Variants in WWC2 observed in about 807,000 individuals in gnomAD.
The protein encoded by WWC2 is protein WWC2.
A neutral mutation model predicts 138.5 loss-of-function variants in WWC2; 101 were observed. That is an observed-to-expected ratio of 0.73 (90% CI 0.62 to 0.86). The LOEUF (loss-of-function observed/expected upper bound fraction) is 0.86. Ranked by LOEUF, WWC2 falls within the 40% of genes least tolerant of loss-of-function variation. The pLI, the probability that WWC2 is intolerant of heterozygous loss-of-function variation, is 0.00. For synonymous variants in WWC2, 558 were observed against 538.4 expected (o/e 1.04, Z -0.50); for missense variants, 1,420 against 1,419.4 (o/e 1.00, Z -0.01).
At chr4:183,175,676 G>T (rs117159373) in intron 1 of WWC2, among the ~76,000 whole-genome samples, 1 of 152,190 alleles carries the variant, frequency 6.6e-6, no homozygotes, top group East Asian at 1.9e-4. Flanking sequence ...TCAAAGCATC[G>T]TTTTTTGTAC....
At chr4:183,132,745 G>T (rs9762784) in intron 1 of WWC2, among the ~76,000 whole-genome samples, 2 of 151,978 alleles carry the variant, frequency 1.3e-5, no homozygotes, top group Non-Finnish European at 2.9e-5. Flanking sequence ...GAGCCACCGC[G>T]CCCGGCCGAT....
chr4:183,271,171 G>C lies in WWC2; in HGVS notation c.2492G>C (p.Cys831Ser), dbSNP rs1421625215. 15 of 1,612,628 alleles carry C rather than the reference G, an allele frequency of 9.3e-6. No homozygotes were observed. Among genetic ancestry groups the C allele is most frequent in the Non-Finnish European group, 1.2e-5 (14 of 1,179,332 alleles). Residue 831 changes from cysteine (C) to serine (S), a missense_variant, in exon 16 of 23, where the codon TGC becomes TCC. Physicochemically the swap from Cys to Ser is moderately radical, Grantham distance 112. Transcript: ENST00000403733. ...YNLLPSKQMP[C>S]KKNEENEDSV... is the part of the protein sequence containing the mutation. The stretch of plus-strand genomic sequence containing the variant: ...TTGCTTCCTTCCAAGCAAATGCCTT[G>C]CAAAAAGAATGAAGAAAATGAGGAC...
chr4:183,286,054 A>C lies in WWC2; in HGVS notation c.3136A>C (p.Lys1046Gln), dbSNP rs1161331314. The change falls in exon 20 of 23, where the codon AAA becomes CAA. Residue 1046 changes from lysine (K) to glutamine (Q), a missense_variant. Lys to Gln is a moderately conservative substitution (Grantham distance 53). Coordinates refer to ENST00000403733, the MANE Select transcript of WWC2 (RefSeq NM_024949.6). ...NSTERRSLRVKRTVCQSVLRR... is the reference protein window; with the variant it reads ...NSTERRSLRVQRTVCQSVLRR... ...CACCGAACGCCGCAGTTTGAGGGTC[A>C]AAAGGGTATGTATTCCCTCAGCCAC... The C allele has an allele frequency of 6.4e-7, 1 of 1,572,758 alleles. No homozygotes were observed. The highest frequency in any genetic ancestry group is 2.3e-5 in the East Asian group (1 of 43,400).
intron 1 of WWC2, among the ~76,000 whole-genome samples, chr4:183,132,506 T>C (rs933692938): frequency 1.3e-5 from 2 of 151,190 alleles, no homozygotes; most frequent in African/African-American, 4.9e-5. Flanking sequence ...CAGGCTGGAG[T>C]GCTGTGGCGC....
intron 1 of WWC2, among the ~76,000 whole-genome samples, chr4:183,136,037 T>G (rs909896945): frequency 3.9e-4 from 59 of 152,286 alleles, no homozygotes; most frequent in African/African-American, 1.3e-3. Context: ...CATTTTCTTG[T>G]TATCTGTGGT....
At chr4:183,235,080 G>A (rs1345619785) in intron 4 of WWC2, among the ~76,000 whole-genome samples, 1 of 152,152 alleles carries the variant, frequency 6.6e-6, no homozygotes, top group Non-Finnish European at 1.5e-5. Context: ...ACTTATGGGA[G>A]CAAACTTTTT....
chr4:183,261,636 CTTTCTT>C, intron 11 of WWC2, 104 bp downstream of exon 11: 1 of 1,318,726 alleles, frequency 7.6e-7, no homozygotes, highest in Non-Finnish European at 1.0e-6. Context: ...TTCCCCTTCT[CTTTCTT>C]TTGAGTAATC....
rs767754120 is a variant in WWC2 at position 183,319,813 on chromosome 4, G to T, written c.*4084G>T. On this transcript the variant is annotated 3_prime_UTR_variant, in exon 23 of 23. Transcript: ENST00000403733. ...GTCTTGTGGGCAACCCAAGAGACGG[G>T]AACCAGGGCTGTGACTCCCGAGGCC... 84 of 1,613,836 alleles carry T rather than the reference G, an allele frequency of 5.2e-5. No homozygotes were observed. Among genetic ancestry groups the T allele is most frequent in the Non-Finnish European group, 6.9e-5 (82 of 1,179,906 alleles).
intron 21 of WWC2, among the ~76,000 whole-genome samples, chr4:183,299,053 A>G (rs1738735612): frequency 6.6e-6 from 1 of 152,172 alleles, no homozygotes; most frequent in Non-Finnish European, 1.5e-5. Flanking sequence ...GGTAATTTAT[A>G]AAGAAAAATT....
chr4:183,154,026 A>AAAAACAAAAAAAC (rs1561438959), intron 1 of WWC2, among the ~76,000 whole-genome samples: 35 of 145,646 alleles, frequency 2.4e-4, no homozygotes, highest in African/African-American at 9.3e-4. Context: ...AAAAAAAAAA[A>AAAAACAAAAAAAC]AACCCCAAAT....
At position 183,209,726 on chromosome 4, in the gene WWC2, G is replaced by A. The variant is rs535808957; in HGVS notation, c.522+701G>A. Among the ~76,000 whole-genome samples the A allele has an allele frequency of 2.0e-5, 3 of 152,296 alleles. No individual in the cohort carries two copies. The East Asian group carries it at 5.8e-4, about 29-fold the overall frequency. On this transcript the variant is annotated intron_variant, in intron 4 of 22. Transcript: ENST00000403733. ...TCAGACTTTACTAGGTGCTCATAAT[G>A]CCTCATGGAGAGGTGTTTCCTGAAT...
intron 4 of WWC2, among the ~76,000 whole-genome samples, chr4:183,239,716 T>C (rs1736556408): frequency 6.6e-6 from 1 of 152,072 alleles, no homozygotes; most frequent in African/African-American, 2.4e-5. Flanking sequence ...TTTGAAAAGA[T>C]AACATTTCAG....
At chr4:183,219,236 A>G (rs1283886364) in intron 4 of WWC2, among the ~76,000 whole-genome samples, 1 of 152,226 alleles carries the variant, frequency 6.6e-6, no homozygotes, top group East Asian at 1.9e-4. Context: ...GTTTAGAACA[A>G]TGAAAAATTT....
chr4:183,203,745 C>T (rs1199679332), intron 2 of WWC2: 1 of 152,164 alleles, frequency 6.6e-6, no homozygotes, highest in Non-Finnish European at 1.5e-5. Context: ...ATTCAGTTCT[C>T]TAGTAGAATC....
intron 1 of WWC2, among the ~76,000 whole-genome samples, chr4:183,124,929 G>A (rs79606055): frequency 1.2e-3 from 183 of 152,260 alleles, no homozygotes; most frequent in Middle Eastern, 6.8e-3. Flanking sequence ...CCACAAAAGC[G>A]TGGAAATGAT....
At position 183,282,687 on chromosome 4, in the gene WWC2, T is replaced by C. The variant is rs200105317; in HGVS notation, c.2685-21T>C. On this transcript the variant is annotated intron_variant, in intron 17 of 22. Transcript: ENST00000403733. The stretch of plus-strand genomic sequence containing the variant: ...GAGCATGCCTGCCTACCAAAAGTGT[T>C]TTGTTTTTGTTTTACCATAGGCTAA... 34 of 1,555,490 alleles carry C rather than the reference T, an allele frequency of 2.2e-5. No homozygotes were observed. In the East Asian group the frequency reaches 7.0e-4, roughly 32 times the overall value.
At chr4:183,229,198 T>A (rs1736167148) in intron 4 of WWC2, among the ~76,000 whole-genome samples, 2 of 152,112 alleles carry the variant, frequency 1.3e-5, no homozygotes, top group Non-Finnish European at 2.9e-5. Context: ...TTTTTTTACT[T>A]TCAGTGTGTA....
intron 21 of WWC2, among the ~76,000 whole-genome samples, chr4:183,295,488 C>T (rs1738602356): frequency 6.6e-6 from 1 of 152,218 alleles, no homozygotes; most frequent in African/African-American, 2.4e-5. Context: ...GTAGCTTGGC[C>T]ATGTGAGGGC....
chr4:183,119,441 G>T (rs1299789354), intron 1 of WWC2, among the ~76,000 whole-genome samples: 1 of 152,096 alleles, frequency 6.6e-6, no homozygotes, highest in Non-Finnish European at 1.5e-5. Context: ...TATTGAGAAT[G>T]AACCCTGAAG....
Sources: gnomAD v4.1 joint callset for allele counts (sites outside exome capture counted in the v4.1 genomes callset) on GRCh38, gnomAD v4.1.1 for gene constraint, MANE v1.5 for transcripts, NCBI Gene and HGNC (gene_info 2026-07-23, HGNC 2026-07-21) for gene names.